The following CCDC141 variants were observed in gnomAD, a reference collection of about 807,000 sequenced individuals.
CCDC141 encodes the protein coiled-coil domain containing 141.
Under a neutral mutation model 181.0 loss-of-function variants are expected in CCDC141, and 168 were observed. The ratio of observed to expected loss-of-function variants is 0.93; its 90% CI spans 0.82 to 1.05. The LOEUF (loss-of-function observed/expected upper bound fraction) is 1.05, where lower values mean the gene tolerates loss of function less well. CCDC141 is among the 50% of genes least tolerant of loss of function. The pLI is 0.00. For synonymous variants in CCDC141, 666 were observed against 642.3 expected (o/e 1.04, Z -0.56); for missense variants, 1,902 against 1,788.5 (o/e 1.06, Z -1.14).
intron 7 of CCDC141, among the ~76,000 whole-genome samples, chr2:178,909,811 T>G (rs1442499561): frequency 1.3e-5 from 2 of 152,214 alleles, no homozygotes; most frequent in African/African-American, 4.8e-5. Context: ...GTGACCCCCA[T>G]GTAAACTCCT....
In CCDC141 at chr2:179,027,201, C is replaced by T. The variant is rs568990941; in HGVS notation, c.225+20083G>A. ...GAAATGACATGATTTGCTGTGTCCCCACCCAAATCTTATCTTGAATTGTAA... is the reference window on the plus strand; with the variant it reads ...GAAATGACATGATTTGCTGTGTCCCTACCCAAATCTTATCTTGAATTGTAA... On this transcript the variant is annotated intron_variant, in intron 2 of 23. Coordinates refer to ENST00000443758, the MANE Select transcript of CCDC141 (RefSeq NM_173648.4). Among the ~76,000 whole-genome samples the T allele has an allele frequency of 5.3e-5, 8 of 152,252 alleles. No individual in the cohort carries two copies. In the South Asian group the frequency reaches 1.7e-3, roughly 32 times the overall value.
intron 17 of CCDC141, among the ~76,000 whole-genome samples, chr2:178,864,810 G>A (rs1443600348): frequency 2.0e-5 from 3 of 152,216 alleles, no homozygotes; most frequent in Non-Finnish European, 4.4e-5. Flanking sequence ...TCTAGTTGAT[G>A]TAAACTGGGC....
chr2:179,005,444 T>G (rs1482870245), intron 2 of CCDC141, among the ~76,000 whole-genome samples: 1 of 152,156 alleles, frequency 6.6e-6, no homozygotes, highest in Non-Finnish European at 1.5e-5. Flanking sequence ...TGAGATGCAT[T>G]TAGAGATTAT....
At chr2:178,899,746 T>C (rs1313693636) in intron 8 of CCDC141, among the ~76,000 whole-genome samples, 1 of 152,190 alleles carries the variant, frequency 6.6e-6, no homozygotes, top group Non-Finnish European at 1.5e-5. Flanking sequence ...TTTGCTCTGT[T>C]GAAATTTACA....
chr2:178,836,049 T>C (rs1319203391), intron 23 of CCDC141: 3 of 152,622 alleles, frequency 2.0e-5, no homozygotes, highest in East Asian at 1.9e-4. Flanking sequence ...ATAAATGCTA[T>C]TTTACTTAAT....
chr2:178,822,246 G>A, the CCDC141 span, among the ~76,000 whole-genome samples: 13 of 151,520 alleles, frequency 8.6e-5, no homozygotes, highest in Non-Finnish European at 1.2e-4. Context: ...ATCACACACC[G>A]GGGCCTGTTG....
At position 178,842,632 on chromosome 2, in the gene CCDC141, G is replaced by C. The variant is rs1269135461; in HGVS notation, c.3474+2994C>G. On this transcript the variant is annotated intron_variant, in intron 22 of 23. Coordinates refer to ENST00000443758, the MANE Select transcript of CCDC141 (RefSeq NM_173648.4). ...AGGGAACTACATATGTGGTAAATTT[G>C]AAGGAACACTACAAGATTTTATCTT... 3.3e-5 allele frequency among the ~76,000 whole-genome samples: 5 copies of C among 152,198 alleles called. 1 individual carries two copies. Among genetic ancestry groups the C allele is most frequent in the African/African-American group, 9.6e-5 (4 of 41,464 alleles).
At chr2:179,003,628 G>A (rs2042045622) in intron 2 of CCDC141, among the ~76,000 whole-genome samples, 2 of 152,038 alleles carry the variant, frequency 1.3e-5, no homozygotes, top group African/African-American at 4.8e-5. Context: ...TCAACCACTT[G>A]TAGGGAACAT....
At chr2:179,015,454 A>ATATATATCTCATATCTGTG (rs1553503006) in intron 2 of CCDC141, among the ~76,000 whole-genome samples, 107 of 97,134 alleles carry the variant, frequency 1.1e-3, no homozygotes, top group African/African-American at 3.7e-3. Context: ...TCATATATGT[A>ATATATATCTCATATCTGTG]CCATATATAT....
intron 2 of CCDC141, among the ~76,000 whole-genome samples, chr2:178,989,593 C>CA (rs1204459331): frequency 6.5e-5 from 5 of 76,586 alleles, no homozygotes; most frequent in African/African-American, 2.4e-4. Context: ...GACCCTGCCT[C>CA]AAAAAAAAAA....
chr2:179,047,641 T>C lies in CCDC141; in HGVS notation c.103-235A>G, dbSNP rs191700176. Among the ~76,000 whole-genome samples the C allele has an allele frequency of 1.4e-4, 22 of 152,326 alleles. 1 individual carries two copies. Among genetic ancestry groups the C allele is most frequent in the Admixed American group, 1.4e-3 (22 of 15,302 alleles). Reference sequence around the variant, plus strand: ...TTTTTATTCTTAGCATAAATTATTCTCTCTTGGCATATTGGATTTGAGTTA... The same window carrying C: ...TTTTTATTCTTAGCATAAATTATTCCCTCTTGGCATATTGGATTTGAGTTA... On this transcript the variant is annotated intron_variant, in intron 1 of 23. Coordinates refer to ENST00000443758, the MANE Select transcript of CCDC141 (RefSeq NM_173648.4).
intron 20 of CCDC141, among the ~76,000 whole-genome samples, chr2:178,851,205 CAAAAAAAAAA>C (rs3045634): frequency 9.6e-6 from 1 of 103,798 alleles, no homozygotes; most frequent in Non-Finnish European, 2.0e-5. Flanking sequence ...GACTTTGTCT[CAAAAAAAAAA>C]AAAAAAAAAG....
chr2:178,921,401 C>A lies in CCDC141; in HGVS notation c.898-2494G>T, dbSNP rs187198182. The stretch of plus-strand genomic sequence containing the variant: ...GCATCAGTTTTGGTTCATTAGCTCT[C>A]CAAATGTGTTCTTTATTTATGGGTA... On this transcript the variant is annotated intron_variant, in intron 6 of 23. Transcript: ENST00000443758. 1.4e-3 allele frequency among the ~76,000 whole-genome samples: 206 copies of A among 152,316 alleles called. 1 individual carries two copies. Among genetic ancestry groups the A allele is most frequent in the African/African-American group, 4.8e-3 (198 of 41,564 alleles).
At position 179,022,884 on chromosome 2, in the gene CCDC141, T is replaced by A. The variant is rs138886230; in HGVS notation, c.225+24400A>T. Among the ~76,000 whole-genome samples, 9 of 151,672 alleles carry A rather than the reference T, an allele frequency of 5.9e-5. No homozygotes were observed. In the East Asian group the frequency reaches 1.8e-3, roughly 29 times the overall value. On this transcript the variant is annotated intron_variant, in intron 2 of 23. Coordinates refer to ENST00000443758, the MANE Select transcript of CCDC141 (RefSeq NM_173648.4). ...TGCTATGTGACGTGGTTCCTGCAAA[T>A]CCTATGAGATCCACGGCCTCAGTAT...
At chr2:179,015,374 T>TACATATATCATATATGTATC (rs1280024321) in intron 2 of CCDC141, among the ~76,000 whole-genome samples, 1 of 124,804 alleles carries the variant, frequency 8.0e-6, no homozygotes, top group African/African-American at 3.0e-5. Context: ...ATATGTATCA[T>TACATATATCATATATGTATC]ATATATCTCA....
chr2:178,865,119 G>C (rs1685787728), intron 17 of CCDC141, among the ~76,000 whole-genome samples: 1 of 152,210 alleles, frequency 6.6e-6, no homozygotes, highest in Non-Finnish European at 1.5e-5. Context: ...AGTTGAGGGG[G>C]AGGAGATAGA....
intron 4 of CCDC141, among the ~76,000 whole-genome samples, chr2:178,969,732 TC>T (rs1267466737): frequency 6.6e-6 from 1 of 152,200 alleles, no homozygotes; most frequent in African/African-American, 2.4e-5. Context: ...AGATGTCCTC[TC>T]TCAACACTCC....
intron 2 of CCDC141, among the ~76,000 whole-genome samples, chr2:178,992,295 A>G (rs2083628488): frequency 1.4e-5 from 2 of 140,934 alleles, no homozygotes; most frequent in Non-Finnish European, 3.1e-5. Flanking sequence ...TGTTATTTTT[A>G]TTATTGGAGA....
At chr2:178,880,241 C>G (rs1686534275) in intron 11 of CCDC141, among the ~76,000 whole-genome samples, 1 of 152,102 alleles carries the variant, frequency 6.6e-6, no homozygotes, top group African/African-American at 2.4e-5. Flanking sequence ...TAACTCTGTA[C>G]TAGTTGATTT....
Sources: allele counts gnomAD v4.1 joint callset (sites outside exome capture counted in the v4.1 genomes callset), GRCh38; gene constraint gnomAD v4.1.1; transcripts MANE v1.5; gene names NCBI Gene and HGNC (gene_info 2026-07-23, HGNC 2026-07-21).